OBP2B: variants seen among roughly 807,000 people sequenced by gnomAD.
OBP2B encodes odorant-binding protein 2b.
A neutral mutation model predicts 21.7 loss-of-function variants in OBP2B; 10 were observed. The ratio of observed to expected loss-of-function variants is 0.46; its 90% CI spans 0.28 to 0.78. The LOEUF (loss-of-function observed/expected upper bound fraction) is 0.78. Among genes scored for constraint, OBP2B ranks in the 30% least tolerant of loss-of-function variants. The pLI is 0.11. For synonymous variants in OBP2B, 73 were observed against 91.5 expected (o/e 0.80, Z 1.16); for missense variants, 153 against 217.7 (o/e 0.70, Z 1.87).
At chr9:133,222,603 C>T in the OBP2B span, among the ~76,000 whole-genome samples, 2 of 152,134 alleles carry the variant, frequency 1.3e-5, no homozygotes, top group African/African-American at 4.8e-5. Context: ...AGGCACGTGC[C>T]TGTAATCCCA....
chr9:133,213,036 A>G (rs1833934446), upstream of OBP2B, among the ~76,000 whole-genome samples: 1 of 152,158 alleles, frequency 6.6e-6, no homozygotes, highest in South Asian at 2.1e-4. Context: ...ACCAGCCTGG[A>G]CAGCATGACA....
chr9:133,217,740 C>A, the OBP2B span, among the ~76,000 whole-genome samples: 1 of 152,234 alleles, frequency 6.6e-6, no homozygotes, highest in Non-Finnish European at 1.5e-5. Context: ...CTGCCCTGAC[C>A]GTGGGCCAGC....
chr9:133,207,267 T>A lies in OBP2B; in HGVS notation c.347A>T (p.Asp116Val). The A allele has an allele frequency of 6.2e-7, 1 of 1,613,952 alleles. No homozygotes were observed. Among genetic ancestry groups the A allele is most frequent in the African/African-American group, 1.3e-5 (1 of 75,014 alleles). ...GTGGAGCAGGCCCCCATGGTGCTGG[T>A]CTTTGCAGTAAAAGATGTAGTGGTC... is the stretch of plus-strand genomic sequence containing the variant. ...RRDHYIFYCK[D>V]QHHGGLLHMG... The change falls in exon 4 of 7, where the codon GAC becomes GTC. Residue 116 changes from aspartate (D) to valine (V), a missense_variant. Transcript: ENST00000372034.
At chr9:133,212,043 G>A (rs1833921901), upstream of OBP2B, among the ~76,000 whole-genome samples, 1 of 152,050 alleles carries the variant, frequency 6.6e-6, no homozygotes, top group Non-Finnish European at 1.5e-5. Flanking sequence ...GAAAGCAGAA[G>A]CATTATTTCA....
upstream of OBP2B, chr9:133,209,358 G>C: frequency 2.7e-6 from 2 of 753,504 alleles, no homozygotes; most frequent in Non-Finnish European, 4.5e-6. This position sits in a 1 kb window ranked among gnomAD's most constrained non-coding sequence, Gnocchi z 6.0. Flanking sequence ...TCCTGCATCC[G>C]GGAGGGGGAG....
Position 133,205,871 on chromosome 9 carries a change from C to G in OBP2B, c.*1+46G>C, listed in dbSNP as rs1833687974. On this transcript the variant is annotated intron_variant, in intron 6 of 6. Coordinates refer to ENST00000372034, the MANE Select transcript of OBP2B (RefSeq NM_014581.4). ...CAGATGTACCCTCGAACCCCGGGAA[C>G]CCAGGACTCTGGGCTTGTCCAGTGC... 3 of 1,613,734 alleles carry G rather than the reference C, an allele frequency of 1.9e-6. No individual in the cohort carries two copies. The East Asian group carries it at 6.7e-5, about 36-fold the overall frequency.
chr9:133,209,169 C>A lies in OBP2B; in HGVS notation c.31G>T (p.Gly11Cys), dbSNP rs782448613. MKTLFLGVTL[G>C]LAAALSFTLE... Reference sequence around the variant, plus strand: ...GTGAAGGACAGGGCAGCGGCCAGGCCGAGCGTGACACCCAGGAACAGGGTC... The same window carrying A: ...GTGAAGGACAGGGCAGCGGCCAGGCAGAGCGTGACACCCAGGAACAGGGTC... The change falls in exon 1 of 7, where the codon GGC becomes TGC. Residue 11 changes from glycine to cysteine, a missense_variant. By Grantham distance (159) the Gly-to-Cys change is radical. Coordinates refer to ENST00000372034, the MANE Select transcript of OBP2B (RefSeq NM_014581.4). The surrounding 1 kb of genome is among the most constrained non-coding windows in gnomAD (Gnocchi z 6.0). 2 of 1,603,114 alleles carry A rather than the reference C, an allele frequency of 1.2e-6. No individual in the cohort carries two copies. Among genetic ancestry groups the A allele is most frequent in the East Asian group, 2.3e-5 (1 of 44,414 alleles).
chr9:133,213,458 G>GA (rs1564289027), upstream of OBP2B, among the ~76,000 whole-genome samples: 1 of 152,048 alleles, frequency 6.6e-6, no homozygotes, highest in South Asian at 2.1e-4. Flanking sequence ...GCAGAAAGCA[G>GA]AAAAAATCGA....
chr9:133,210,463 C>T (rs1833893764), upstream of OBP2B, among the ~76,000 whole-genome samples: 1 of 152,118 alleles, frequency 6.6e-6, no homozygotes, highest in African/African-American at 2.4e-5. Flanking sequence ...CCTCATCCCC[C>T]CGGGCAGGAA....
At chr9:133,207,382 G>A (rs781829644) in intron 3 of OBP2B, 46 bp from the exon 4 acceptor site, 1 of 1,292,418 alleles carries the variant, frequency 7.7e-7, no homozygotes, top group African/African-American at 1.5e-5. Context: ...AGAACACTCG[G>A]GGCCACATGA....
chr9:133,219,869 C>T, the OBP2B span, among the ~76,000 whole-genome samples: 1 of 152,168 alleles, frequency 6.6e-6, no homozygotes, highest in African/African-American at 2.4e-5. Flanking sequence ...GTAGAAACAA[C>T]TCAAATGTCT....
chr9:133,207,836 G>T, intron 3 of OBP2B: 2 of 1,483,128 alleles, frequency 1.3e-6, no homozygotes, highest in Non-Finnish European at 1.8e-6. Context: ...CAGCCTCCCC[G>T]TACCTAATCC....
intron 6 of OBP2B, 89 bp from the exon 7 acceptor site, chr9:133,205,500 C>A: frequency 1.1e-6 from 1 of 890,958 alleles, no homozygotes; most frequent in Non-Finnish European, 1.7e-6. Context: ...TCTGCAGCCC[C>A]CACATCGGCC....
chr9:133,221,492 T>C, the OBP2B span, among the ~76,000 whole-genome samples: 2 of 152,164 alleles, frequency 1.3e-5, no homozygotes, highest in Non-Finnish European at 2.9e-5. Context: ...TGGTTGCTCA[T>C]TGGGACGTGG....
upstream of OBP2B, among the ~76,000 whole-genome samples, chr9:133,213,676 C>G (rs1346143413): frequency 6.6e-6 from 1 of 152,182 alleles, no homozygotes; most frequent in Non-Finnish European, 1.5e-5. Context: ...GACCTTCCCA[C>G]ATATATTTGA....
chr9:133,222,330 A>G, the OBP2B span, among the ~76,000 whole-genome samples: 1 of 152,244 alleles, frequency 6.6e-6, no homozygotes, highest in African/African-American at 2.4e-5. Flanking sequence ...TGTCCTGGCC[A>G]GCACCCAGCT....
chr9:133,210,024 C>T (rs782270203), upstream of OBP2B, among the ~76,000 whole-genome samples: 4 of 152,268 alleles, frequency 2.6e-5, no homozygotes, highest in Non-Finnish European at 5.9e-5. Flanking sequence ...TCAGCTTTGA[C>T]GGCCCCCAGC....
chr9:133,217,207 C>T, the OBP2B span, among the ~76,000 whole-genome samples: 3 of 152,174 alleles, frequency 2.0e-5, no homozygotes, highest in Admixed American at 6.5e-5. Flanking sequence ...AGGAATACAT[C>T]GATCAATGAA....
chr9:133,221,078 A>G, the OBP2B span, among the ~76,000 whole-genome samples: 2 of 152,242 alleles, frequency 1.3e-5, no homozygotes, highest in African/African-American at 4.8e-5. Context: ...GGAATGAAGC[A>G]TCTGAAGTTG....
Sources: gnomAD v4.1 joint callset for allele counts (sites outside exome capture counted in the v4.1 genomes callset) on GRCh38, gnomAD v4.1.1 for gene constraint, Gnocchi (gnomAD v3.1) non-coding constraint, MANE v1.5 for transcripts, NCBI Gene and HGNC (gene_info 2026-07-23, HGNC 2026-07-21) for gene names.